Variants in PODXL observed in about 807,000 individuals in gnomAD.
PODXL encodes podocalyxin.
Under a neutral mutation model 48.9 loss-of-function variants are expected in PODXL, and 20 were observed. The observed-to-expected ratio is 0.41, with a 90% CI of 0.29 to 0.59. The LOEUF is 0.59. Among genes scored for constraint, PODXL ranks in the 20% least tolerant of loss-of-function variants. The pLI, the probability that PODXL is intolerant of heterozygous loss-of-function variation, is 0.31. For missense variants in PODXL, 606 were observed against 675.1 expected, an observed-to-expected ratio of 0.90 and a Z score of 1.13; for synonymous variants, 295 against 287.4, an observed-to-expected ratio of 1.03 and a Z score of -0.27.
chr7:131,555,620 G>A (rs1248900254), intron 1 of PODXL, among the ~76,000 whole-genome samples: 1 of 152,140 alleles, frequency 6.6e-6, no homozygotes, highest in African/African-American at 2.4e-5. Context: ...ATTGTTTTAG[G>A]GACACGGAGG....
intron 5 of PODXL, 114 bp downstream of exon 5, chr7:131,508,837 A>G: frequency 1.2e-6 from 1 of 827,062 alleles, no homozygotes. Flanking sequence ...CGGAAAGCAA[A>G]TGCACCTTAG....
intron 1 of PODXL, among the ~76,000 whole-genome samples, chr7:131,527,397 TG>T (rs1798205370): frequency 6.6e-6 from 1 of 152,234 alleles, no homozygotes; most frequent in African/African-American, 2.4e-5. Context: ...AAACAGAAGA[TG>T]TTACTAAAAT....
At chr7:131,540,729 AAT>A (rs777834261) in intron 1 of PODXL, among the ~76,000 whole-genome samples, 3 of 152,180 alleles carry the variant, frequency 2.0e-5, no homozygotes, top group Non-Finnish European at 4.4e-5. Context: ...CAGCCGTGAA[AAT>A]AACCAGATGT....
intron 1 of PODXL, among the ~76,000 whole-genome samples, chr7:131,514,225 C>T (rs1797958205): frequency 6.6e-6 from 1 of 152,174 alleles, no homozygotes; most frequent in Admixed American, 6.5e-5. Flanking sequence ...ACCAGCCTGG[C>T]CAACATTGTG....
chr7:131,530,126 C>T (rs1798251991), intron 1 of PODXL, among the ~76,000 whole-genome samples: 1 of 152,150 alleles, frequency 6.6e-6, no homozygotes, highest in Non-Finnish European at 1.5e-5. Context: ...ATTGCAGGTT[C>T]GGCCAGGTTG....
At chr7:131,531,876 C>T (rs972579076) in intron 1 of PODXL, among the ~76,000 whole-genome samples, 2 of 152,080 alleles carry the variant, frequency 1.3e-5, no homozygotes, top group Non-Finnish European at 2.9e-5. Context: ...TTTGGGAGGC[C>T]GAGGTGGGCG....
At position 131,503,784 on chromosome 7, in the gene PODXL, G is replaced by C. The variant is rs1797751901; in HGVS notation, c.*527C>G. 1 of 159,648 alleles carries C rather than the reference G, an allele frequency of 6.3e-6. No individual in the cohort carries two copies. Among genetic ancestry groups the C allele is most frequent in the Non-Finnish European group, 1.4e-5 (1 of 73,084 alleles). The allele number at this position is 159,648 out of a possible 1,614,324, so 9.9% of individuals were successfully genotyped here. A position where few individuals can be genotyped will look rare whatever the true frequency, so the allele number is the denominator to read the frequency against. ...GGAAAACTTGGGAGCTGGACTTTCA[G>C]GTCGTCAGATCCCACCGAGCCAGGA... On this transcript the variant is annotated 3_prime_UTR_variant, in exon 9 of 9. Coordinates refer to ENST00000378555, the MANE Select transcript of PODXL (RefSeq NM_001018111.3).
chr7:131,530,744 A>G (rs1333572411), intron 1 of PODXL, among the ~76,000 whole-genome samples: 1 of 147,200 alleles, frequency 6.8e-6, no homozygotes, highest in Non-Finnish European at 1.5e-5. Flanking sequence ...GGCAATGGGG[A>G]AAGATCATGT....
chr7:131,506,656 G>A lies in PODXL; in HGVS notation c.1172C>T (p.Ala391Val). ...CAGCCGTATGCCGCACTTATCTTGG[G>A]CCGGGTTGAAGGTGGCTTTGACTGC... ...CRAVKATFNP[A>V]QDKCGIRLAS... The change falls in exon 6 of 9, where the codon GCC becomes GTC. Residue 391 changes from alanine to valine, a missense_variant. By Grantham distance (64) the Ala-to-Val change is moderately conservative. Transcript: ENST00000378555. 1 of 1,614,180 alleles carries A rather than the reference G, an allele frequency of 6.2e-7. No homozygotes were observed. Among genetic ancestry groups the A allele is most frequent in the Non-Finnish European group, 8.5e-7 (1 of 1,180,022 alleles).
chr7:131,515,397 G>T (rs1030375330), intron 1 of PODXL, among the ~76,000 whole-genome samples: 1 of 152,012 alleles, frequency 6.6e-6, no homozygotes, highest in African/African-American at 2.4e-5. Context: ...TGTGAAAATA[G>T]GACCTAGAGA....
intron 1 of PODXL, among the ~76,000 whole-genome samples, chr7:131,527,294 A>T (rs538095161): frequency 6.6e-6 from 1 of 152,320 alleles, no homozygotes; most frequent in East Asian, 1.9e-4. Context: ...CATTAATCTA[A>T]AGAATAATAT....
intron 1 of PODXL, among the ~76,000 whole-genome samples, chr7:131,548,970 T>A (rs1798626338): frequency 6.6e-6 from 1 of 152,218 alleles, no homozygotes; most frequent in Non-Finnish European, 1.5e-5. Flanking sequence ...CCTATATTTA[T>A]GGAACAGCTA....
At position 131,500,822 on chromosome 7, in the gene PODXL, G is replaced by A. The variant is rs979790627; in HGVS notation, c.*3489C>T. On this transcript the variant is annotated 3_prime_UTR_variant, in exon 9 of 9. Coordinates refer to ENST00000378555, the MANE Select transcript of PODXL (RefSeq NM_001018111.3). ...TCCTTTGTGTCATTCTGGCACCTTC[G>A]AGTAGCAATTCTTAATTTACCGATT... The A allele has an allele frequency of 6.6e-6, 1 of 152,156 alleles. No homozygotes were observed. Among genetic ancestry groups the A allele is most frequent in the African/African-American group, 2.4e-5 (1 of 41,426 alleles). 9.4% of individuals were successfully genotyped at this position (152,156 alleles called of 1,614,324 possible). A position where few individuals can be genotyped will look rare whatever the true frequency, so the allele number is the denominator to read the frequency against.
chr7:131,526,182 G>A (rs1226566614), intron 1 of PODXL, among the ~76,000 whole-genome samples: 1 of 147,844 alleles, frequency 6.8e-6, no homozygotes, highest in African/African-American at 2.5e-5. Context: ...GGAACATCTT[G>A]TAATGTCAGA....
intron 1 of PODXL, among the ~76,000 whole-genome samples, chr7:131,534,751 G>T (rs750825): frequency 0.27 from 41,448 of 152,168 alleles, 6,994 homozygotes; most frequent in Admixed American, 0.47. Context: ...TGTATTAAAA[G>T]ATATTTTAAT....
At chr7:131,530,708 TGATC>T (rs922147805) in intron 1 of PODXL, among the ~76,000 whole-genome samples, 5 of 148,392 alleles carry the variant, frequency 3.4e-5, no homozygotes, top group Non-Finnish European at 7.4e-5. Context: ...CAGTGAGCTA[TGATC>T]ACACCACTGC....
chr7:131,526,140 A>G (rs1483173858), intron 1 of PODXL, among the ~76,000 whole-genome samples: 1 of 152,214 alleles, frequency 6.6e-6, no homozygotes, highest in Non-Finnish European at 1.5e-5. Context: ...TTGATTTCTA[A>G]TGCTGATACA....
At chr7:131,532,378 G>C (rs1413651951) in intron 1 of PODXL, among the ~76,000 whole-genome samples, 1 of 150,184 alleles carries the variant, frequency 6.7e-6, no homozygotes, top group Non-Finnish European at 1.5e-5. Flanking sequence ...GGAGCTGGCA[G>C]TGAGCTGAGA....
intron 1 of PODXL, chr7:131,520,590 C>A (rs1036308819): frequency 6.0e-6 from 1 of 165,290 alleles, no homozygotes; most frequent in Non-Finnish European, 1.3e-5. Flanking sequence ...GTACTTTTTT[C>A]ATAAAGAAAC....
Sources: gnomAD v4.1 joint callset for allele counts (sites outside exome capture counted in the v4.1 genomes callset) on GRCh38, gnomAD v4.1.1 for gene constraint, MANE v1.5 for transcripts, NCBI Gene and HGNC (gene_info 2026-07-23, HGNC 2026-07-21) for gene names.